Variants in MSN observed in about 807,000 individuals in gnomAD.
MSN encodes the protein moesin.
In MSN, 2 loss-of-function variants were observed where a neutral mutation model predicts 48.0. The observed-to-expected ratio is 0.04, with a 90% CI of 0.02 to 0.13. The LOEUF is 0.13. MSN is among the 10% of genes least tolerant of loss of function. The probability of loss-of-function intolerance (pLI) is 1.00; values close to 1 mark genes in which losing one functional copy is unlikely to be tolerated. For missense variants in MSN, 267 were observed against 470.1 expected (o/e 0.57, Z 3.99); for synonymous variants, 146 against 166.9 (o/e 0.87, Z 0.97).
chrX:65,655,044 T>C (rs894338738), intron 1 of MSN, among the ~76,000 whole-genome samples: 1 of 111,571 alleles, frequency 9.0e-6, no homozygotes, highest in Non-Finnish European at 1.9e-5. Context: ...GTAGAAACTT[T>C]TGTTTTTTTC....
intron 1 of MSN, among the ~76,000 whole-genome samples, chrX:65,682,382 T>G (rs2071065325): frequency 8.9e-6 from 1 of 112,338 alleles, no homozygotes; most frequent in Non-Finnish European, 1.9e-5. Context: ...GTTGTTTTTA[T>G]TGTTGTTGTT....
At chrX:65,671,888 C>A (rs1377586123) in intron 1 of MSN, among the ~76,000 whole-genome samples, 1 of 111,874 alleles carries the variant, frequency 8.9e-6, no homozygotes, top group East Asian at 2.8e-4. Context: ...TTCTAACTTT[C>A]CATTCTCTAG....
intron 1 of MSN, among the ~76,000 whole-genome samples, chrX:65,640,635 A>T (rs1459764818): frequency 3.6e-5 from 4 of 111,530 alleles, no homozygotes; most frequent in Non-Finnish European, 5.6e-5. Context: ...AAAATATCAG[A>T]ACAGCATACT....
At chrX:65,694,201 A>G (rs2071206616) in intron 1 of MSN, among the ~76,000 whole-genome samples, 1 of 112,075 alleles carries the variant, frequency 8.9e-6, no homozygotes, top group Non-Finnish European at 1.9e-5. Flanking sequence ...TGCTTGATAA[A>G]TGGCTGAGTT....
chrX:65,640,116 C>T (rs988132138), intron 1 of MSN, among the ~76,000 whole-genome samples: 5 of 111,958 alleles, frequency 4.5e-5, no homozygotes, highest in African/African-American at 1.6e-4. Flanking sequence ...CAACATCACA[C>T]AGCTAGTGTG....
intron 1 of MSN, among the ~76,000 whole-genome samples, chrX:65,670,775 C>T (rs1291456651): frequency 2.0e-5 from 2 of 101,078 alleles, no homozygotes; most frequent in African/African-American, 7.2e-5. Context: ...CCCACCGCCA[C>T]CCTTGCCTTC....
intron 1 of MSN, among the ~76,000 whole-genome samples, chrX:65,710,990 T>TTC (rs1254811098): frequency 9.5e-6 from 1 of 105,032 alleles, no homozygotes; most frequent in African/African-American, 3.5e-5. Context: ...GTTCAAGCGA[T>TTC]TCTCCTGCCT....
chrX:65,732,974 T>C (rs2071637643), intron 6 of MSN, among the ~76,000 whole-genome samples: 1 of 110,715 alleles, frequency 9.0e-6, no homozygotes, highest in African/African-American at 3.3e-5. Context: ...CCCAGCACTT[T>C]GGGAGGCTGA....
In MSN at chrX:65,612,591, C is replaced by T. The variant is rs770689301; in HGVS notation, c.-22+23979C>T. Among the ~76,000 whole-genome samples, 32 of 108,062 alleles carry T rather than the reference C, an allele frequency of 3.0e-4. 1 individual carries two copies. In the South Asian group the frequency reaches 5.3e-3, roughly 18 times the overall value. 93.8% of individuals were successfully genotyped at this position (108,062 alleles called of 115,157 possible). On this transcript the variant is annotated intron_variant, in intron 1 of 3. Coordinates refer to the MSN transcript ENST00000609672. ...TGTTTATTTTTGTGAAGCAGGGTCT[C>T]GCTCTGTCACCCAAGCTGGAGTGCA...
intron 1 of MSN, among the ~76,000 whole-genome samples, chrX:65,623,368 C>CTTTTTTTTTTTTTTTTTTTT (rs773663630): frequency 2.7e-5 from 2 of 74,173 alleles, no homozygotes; most frequent in African/African-American, 4.8e-5. Context: ...TCTTTCTTTT[C>CTTTTTTTTTTTTTTTTTTTT]TTTTTTTTTT....
chrX:65,689,896 A>G (rs1286890838), intron 1 of MSN, among the ~76,000 whole-genome samples: 1 of 111,415 alleles, frequency 9.0e-6, no homozygotes, highest in Non-Finnish European at 1.9e-5. Flanking sequence ...GGTTTGGAAA[A>G]AGGGGGAAAT....
chrX:65,623,496 C>T (rs1407644702), intron 1 of MSN, among the ~76,000 whole-genome samples: 1 of 108,596 alleles, frequency 9.2e-6, no homozygotes, highest in African/African-American at 3.4e-5. Context: ...AAATAATTGG[C>T]TTTAATTCTT....
intron 1 of MSN, among the ~76,000 whole-genome samples, chrX:65,591,994 G>A (rs1461187334): frequency 9.1e-6 from 1 of 109,398 alleles, no homozygotes; most frequent in Admixed American, 9.9e-5. Flanking sequence ...ACAGCAACGG[G>A]TTATGGCTAT....
At chrX:65,620,299 C>T (rs1009189200) in intron 1 of MSN, among the ~76,000 whole-genome samples, 3 of 112,707 alleles carry the variant, frequency 2.7e-5, no homozygotes, top group African/African-American at 9.7e-5. Context: ...GGGCGCCCCT[C>T]CCCCAGCCTC....
At chrX:65,648,792 G>T (rs1312907325) in intron 1 of MSN, among the ~76,000 whole-genome samples, 1 of 110,145 alleles carries the variant, frequency 9.1e-6, no homozygotes, top group Non-Finnish European at 1.9e-5. Context: ...GAACCTGGGA[G>T]GCGGAAGTTG....
chrX:65,616,718 C>T (rs1448738397), intron 1 of MSN, among the ~76,000 whole-genome samples: 1 of 102,175 alleles, frequency 9.8e-6, no homozygotes, highest in African/African-American at 3.6e-5. Context: ...TGCCTGATTG[C>T]CCTGGCCAGA....
At position 65,648,898 on chromosome X, in the gene MSN, TAAATA is replaced by T. The variant is rs761919813; in HGVS notation, c.-22+60315_-22+60319del. On this transcript the variant is annotated intron_variant, in intron 1 of 3. Coordinates refer to the MSN transcript ENST00000609672. ...ATAAAATAAAATAAAATAAATAAAA[TAAATA>T]AAATAAAATAAAATAAAATAAAATA... is the stretch of plus-strand genomic sequence containing the variant. Among the ~76,000 whole-genome samples, 360 of 107,091 alleles carry T rather than the reference TAAATA, an allele frequency of 3.4e-3. 3 individuals carry two copies. The highest frequency in any genetic ancestry group is 0.027 in the South Asian group (70 of 2,622). The allele number at this position is 107,091 out of a possible 115,157, so 93.0% of individuals were successfully genotyped here. A position where few individuals can be genotyped will look rare whatever the true frequency, so the allele number is the denominator to read the frequency against.
At chrX:65,594,826 T>C (rs2070174542) in intron 1 of MSN, among the ~76,000 whole-genome samples, 1 of 111,736 alleles carries the variant, frequency 8.9e-6, no homozygotes, top group South Asian at 3.8e-4. Context: ...GAAAGAGAGA[T>C]GAGGGAGGGG....
At chrX:65,697,059 C>T (rs1315332126) in intron 1 of MSN, among the ~76,000 whole-genome samples, 2 of 111,417 alleles carry the variant, frequency 1.8e-5, no homozygotes, top group East Asian at 2.8e-4. Flanking sequence ...CACCTTTCAA[C>T]CTTCAGCACA....
Sources: gnomAD v4.1 joint callset for allele counts (sites outside exome capture counted in the v4.1 genomes callset) on GRCh38, gnomAD v4.1.1 for gene constraint, MANE v1.5 for transcripts, NCBI Gene and HGNC (gene_info 2026-07-23, HGNC 2026-07-21) for gene names.